The following PKN2 variants were observed in gnomAD, a reference collection of about 807,000 sequenced individuals.
PKN2 encodes serine/threonine-protein kinase N2.
In PKN2, 38 loss-of-function variants were observed where a neutral mutation model predicts 119.1. That is an observed-to-expected ratio of 0.32 (90% CI 0.25 to 0.42). The LOEUF (loss-of-function observed/expected upper bound fraction) is 0.42. PKN2 is among the 10% of genes least tolerant of loss of function. The pLI is 1.00. For missense variants in PKN2, 850 were observed against 1,165.1 expected (o/e 0.73, Z 3.94); for synonymous variants, 390 against 384.9 (o/e 1.01, Z -0.15).
intron 1 of PKN2, among the ~76,000 whole-genome samples, chr1:88,704,532 G>A (rs892568319): frequency 6.6e-6 from 1 of 152,208 alleles, no homozygotes; most frequent in African/African-American, 2.4e-5. Flanking sequence ...AAAACATATA[G>A]CAGGTGCATG....
chr1:88,711,169 A>C (rs1396289003), intron 1 of PKN2, among the ~76,000 whole-genome samples: 1 of 152,154 alleles, frequency 6.6e-6, no homozygotes, highest in Non-Finnish European at 1.5e-5. Context: ...GAGGGAGAGG[A>C]TTAGGAAAAA....
At chr1:88,775,548 T>C (rs1282878643) in intron 6 of PKN2, among the ~76,000 whole-genome samples, 1 of 152,212 alleles carries the variant, frequency 6.6e-6, no homozygotes, top group Non-Finnish European at 1.5e-5. Context: ...TTTTGGCAGT[T>C]ATGTATCAAG....
At chr1:88,779,058 G>C (rs1456712964) in intron 6 of PKN2, among the ~76,000 whole-genome samples, 4 of 152,188 alleles carry the variant, frequency 2.6e-5, no homozygotes, top group Non-Finnish European at 5.9e-5. Context: ...ATGGCAAGCT[G>C]TTGGTGTTAG....
At chr1:88,790,005 T>A (rs1370260357) in intron 8 of PKN2, among the ~76,000 whole-genome samples, 1 of 152,188 alleles carries the variant, frequency 6.6e-6, no homozygotes, top group Non-Finnish European at 1.5e-5. Context: ...TACCTATTAT[T>A]TATCCCCAAA....
intron 8 of PKN2, among the ~76,000 whole-genome samples, chr1:88,794,298 C>T (rs1206929485): frequency 1.3e-5 from 2 of 149,100 alleles, no homozygotes; most frequent in Non-Finnish European, 3.0e-5. Flanking sequence ...ACCCGAGAGG[C>T]GGAGGTTGCG....
chr1:88,756,154 C>G (rs1669190411), intron 2 of PKN2, among the ~76,000 whole-genome samples: 1 of 152,042 alleles, frequency 6.6e-6, no homozygotes, highest in Admixed American at 6.6e-5. Flanking sequence ...CCTCGGCCTC[C>G]CAAAGTGCTG....
Position 88,804,902 on chromosome 1 carries a change from A to G in PKN2, c.1482A>G (p.Lys494=). ...ERRPKLQRQK[K]IFSKQQGKTF... is the part of the protein sequence containing the mutation. ...GACCAAAACTTCAAAGACAAAAGAA[A>G]ATTTTTTCAAAGCAACAAGGTAATT... The change falls in exon 10 of 22, where the codon AAA becomes AAG. Residue 494 remains lysine (K), a synonymous_variant. Transcript: ENST00000370521. The G allele has an allele frequency of 1.3e-6, 2 of 1,544,392 alleles. No homozygotes were observed. Among genetic ancestry groups the G allele is most frequent in the Non-Finnish European group, 1.8e-6 (2 of 1,125,184 alleles).
chr1:88,786,285 G>T, intron 8 of PKN2, 72 bp downstream of exon 8: 1 of 727,740 alleles, frequency 1.4e-6, no homozygotes, highest in Non-Finnish European at 2.3e-6. Context: ...TTTTTAGAAG[G>T]CTTCAACAAG....
chr1:88,726,773 G>T (rs369817079), intron 1 of PKN2, among the ~76,000 whole-genome samples: 1 of 141,508 alleles, frequency 7.1e-6, no homozygotes. Flanking sequence ...GTTTTTTTTT[G>T]AAGAATTGGT....
intron 1 of PKN2, among the ~76,000 whole-genome samples, chr1:88,736,077 C>T (rs1668335956): frequency 6.6e-6 from 1 of 152,114 alleles, no homozygotes; most frequent in Non-Finnish European, 1.5e-5. Context: ...AGCTTGTCTT[C>T]AAGCTCAGAT....
chr1:88,712,131 CACA>C (rs1339652561), intron 1 of PKN2, among the ~76,000 whole-genome samples: 1 of 151,882 alleles, frequency 6.6e-6, no homozygotes, highest in African/African-American at 2.4e-5. Context: ...GCTTAAAAGT[CACA>C]ACTGTTTTCC....
intron 1 of PKN2, among the ~76,000 whole-genome samples, chr1:88,713,303 G>A (rs1441988273): frequency 2.0e-5 from 3 of 152,164 alleles, no homozygotes; most frequent in Non-Finnish European, 4.4e-5. Context: ...TAATGGGATT[G>A]CTGGGTCAAA....
chr1:88,719,111 G>A (rs558658320), intron 1 of PKN2, among the ~76,000 whole-genome samples: 2 of 152,138 alleles, frequency 1.3e-5, no homozygotes, highest in African/African-American at 2.4e-5. Context: ...ACGAAGACCA[G>A]TATGAGGACA....
chr1:88,796,454 A>G lies in PKN2; in HGVS notation c.1282-7937A>G, dbSNP rs947897991. On this transcript the variant is annotated intron_variant, in intron 8 of 21. Transcript: ENST00000370521. ...AGCTCCTCATGACTTATCTCTGCCC[A>G]TGTTTTCATTCTTATTTCTCACAGC... is the stretch of plus-strand genomic sequence containing the variant. 2.6e-5 allele frequency among the ~76,000 whole-genome samples: 4 copies of G among 152,106 alleles called. No individual in the cohort carries two copies. In the East Asian group the frequency reaches 5.8e-4, roughly 22 times the overall value.
Position 88,784,734 on chromosome 1 carries a change from C to T in PKN2, c.1081C>T (p.Pro361Ser), listed in dbSNP as rs368676500. 1 of 1,611,294 alleles carries T rather than the reference C, an allele frequency of 6.2e-7. No homozygotes were observed. Among genetic ancestry groups the T allele is most frequent in the Non-Finnish European group, 8.5e-7 (1 of 1,178,018 alleles). Residue 361 changes from proline to serine, a missense_variant, in exon 7 of 22, where the codon CCA (proline) becomes TCA (serine). Coordinates refer to ENST00000370521, the MANE Select transcript of PKN2 (RefSeq NM_006256.4). ...ATCAGTTGCACTGCCTGGTTGGAGT[C>T]CAAGTGAAACCAGATCATCTTTCAT... ...ATSVALPGWSPSETRSSFMSR... is the reference protein window; with the variant it reads ...ATSVALPGWSSSETRSSFMSR...
Position 88,824,293 on chromosome 1 carries a change from CTTT to C in PKN2, c.2343-14_2343-12del. 7.3e-7 allele frequency: 1 copy of C among 1,362,394 alleles called. No homozygotes were observed. The highest frequency in any genetic ancestry group is 2.4e-5 in the East Asian group (1 of 42,072). The allele number at this position is 1,362,394 out of a possible 1,614,324, so 84.4% of individuals were successfully genotyped here. ...TTGATTTTTTTTTTTCATGCTGTAT[CTTT>C]TTATCCTGAACAGAGATTTGAAATT... On this transcript the variant is annotated splice_polypyrimidine_tract_variant and intron_variant, in intron 17 of 21. Coordinates refer to ENST00000370521, the MANE Select transcript of PKN2 (RefSeq NM_006256.4).
chr1:88,688,288 T>C (rs1220817888), intron 1 of PKN2, among the ~76,000 whole-genome samples: 1 of 152,140 alleles, frequency 6.6e-6, no homozygotes, highest in Non-Finnish European at 1.5e-5. Context: ...GGTTTCATTA[T>C]GTTGGCCAGG....
chr1:88,721,188 A>C (rs1417358001), intron 1 of PKN2, among the ~76,000 whole-genome samples: 1 of 152,148 alleles, frequency 6.6e-6, no homozygotes, highest in African/African-American at 2.4e-5. Flanking sequence ...TAGTTCTTTA[A>C]GGAATCTCCA....
chr1:88,762,803 T>C (rs1187532676), intron 3 of PKN2, among the ~76,000 whole-genome samples: 2 of 152,224 alleles, frequency 1.3e-5, no homozygotes, highest in Non-Finnish European at 2.9e-5. Flanking sequence ...TGAAAAATGA[T>C]TTGGCATTTA....
Sources: gnomAD v4.1 joint callset for allele counts (sites outside exome capture counted in the v4.1 genomes callset) on GRCh38, gnomAD v4.1.1 for gene constraint, MANE v1.5 for transcripts, NCBI Gene and HGNC (gene_info 2026-07-23, HGNC 2026-07-21) for gene names.